DKK2: variants seen among roughly 807,000 people sequenced by gnomAD.
The protein encoded by DKK2 is dickkopf-related protein 2.
In DKK2, 11 loss-of-function variants were observed where a neutral mutation model predicts 28.1. That is an observed-to-expected ratio of 0.39 (90% CI 0.25 to 0.65). The LOEUF (loss-of-function observed/expected upper bound fraction) is 0.65. Ranked by LOEUF, DKK2 falls within the 30% of genes least tolerant of loss-of-function variation. The pLI is 0.47. For missense variants in DKK2, 326 were observed against 335.5 expected (o/e 0.97, Z 0.22); for synonymous variants, 135 against 126.5 (o/e 1.07, Z -0.45).
chr4:106,997,518 C>T (rs1376383276), intron 1 of DKK2, among the ~76,000 whole-genome samples: 8 of 152,086 alleles, frequency 5.3e-5, no homozygotes, highest in Admixed American at 5.2e-4. Flanking sequence ...ATCAACAAAA[C>T]TCTATCCAGT....
At chr4:106,978,624 A>T (rs1379623936) in intron 1 of DKK2, among the ~76,000 whole-genome samples, 1 of 151,984 alleles carries the variant, frequency 6.6e-6, no homozygotes, top group African/African-American at 2.4e-5. Flanking sequence ...TCGACTTCAG[A>T]CTTCTGTCCT....
chr4:106,974,287 G>C (rs1722910032), intron 1 of DKK2, among the ~76,000 whole-genome samples: 1 of 152,128 alleles, frequency 6.6e-6, no homozygotes, highest in African/African-American at 2.4e-5. Context: ...GAAAGTCAAT[G>C]GTAGCTTGAT....
At chr4:106,937,265 G>C (rs1424603600) in intron 1 of DKK2, among the ~76,000 whole-genome samples, 39 of 140,372 alleles carry the variant, frequency 2.8e-4, no homozygotes, top group Non-Finnish European at 5.5e-4. Flanking sequence ...TAAAAGGATG[G>C]AGGAAGATCT....
At chr4:107,004,683 T>C (rs1302154468) in intron 1 of DKK2, among the ~76,000 whole-genome samples, 2 of 152,190 alleles carry the variant, frequency 1.3e-5, no homozygotes, top group Admixed American at 1.3e-4. Context: ...TATATTACCT[T>C]ACGTGGCAAA....
chr4:106,927,727 T>C (rs1015041070), intron 1 of DKK2, among the ~76,000 whole-genome samples: 8 of 152,192 alleles, frequency 5.3e-5, no homozygotes, highest in African/African-American at 1.9e-4. Flanking sequence ...CCCCCAAGCA[T>C]TTTACCCCCT....
intron 1 of DKK2, among the ~76,000 whole-genome samples, chr4:107,009,584 A>G (rs1475135076): frequency 6.6e-6 from 1 of 151,944 alleles, no homozygotes; most frequent in Admixed American, 6.6e-5. Context: ...AAAGCTGGGT[A>G]GGAGTTTGCA....
At chr4:106,927,763 T>C (rs976023373) in intron 1 of DKK2, among the ~76,000 whole-genome samples, 6 of 152,344 alleles carry the variant, frequency 3.9e-5, no homozygotes, top group African/African-American at 1.4e-4. Context: ...TTAATTTTAA[T>C]GAAATACAAT....
intron 1 of DKK2, among the ~76,000 whole-genome samples, chr4:106,936,825 G>T (rs1317565917): frequency 1.3e-5 from 2 of 151,542 alleles, no homozygotes; most frequent in African/African-American, 4.8e-5. Flanking sequence ...CATTCTTAAA[G>T]AAAAGAATTT....
At chr4:106,935,176 G>A (rs1724562117) in intron 1 of DKK2, among the ~76,000 whole-genome samples, 1 of 152,310 alleles carries the variant, frequency 6.6e-6, no homozygotes, top group South Asian at 2.1e-4. Flanking sequence ...GCAGAAGACG[G>A]TGATTTCTGC....
At chr4:107,010,975 T>C (rs1723508787) in intron 1 of DKK2, among the ~76,000 whole-genome samples, 1 of 151,548 alleles carries the variant, frequency 6.6e-6, no homozygotes, top group Non-Finnish European at 1.5e-5. Context: ...ATCTCTTTAA[T>C]GTCTCACTTA....
At chr4:106,994,491 C>CCACACA (rs112978532) in intron 1 of DKK2, among the ~76,000 whole-genome samples, 72 of 145,834 alleles carry the variant, frequency 4.9e-4, no homozygotes, top group African/African-American at 1.7e-3. Flanking sequence ...CACATGTACA[C>CCACACA]CACACACACA....
intron 1 of DKK2, among the ~76,000 whole-genome samples, chr4:107,006,808 T>A (rs1723444204): frequency 6.6e-6 from 1 of 152,228 alleles, no homozygotes. Context: ...AAAAACCTTT[T>A]GGCTAAAATA....
intron 1 of DKK2, among the ~76,000 whole-genome samples, chr4:106,957,719 C>A (rs1171287885): frequency 8.4e-6 from 1 of 119,422 alleles, no homozygotes; most frequent in Non-Finnish European, 1.6e-5. Flanking sequence ...CACATGGACA[C>A]AGGAAGGGGA....
chr4:106,924,799 A>T lies in DKK2; in HGVS notation c.374-99T>A, dbSNP rs1021241212. On this transcript the variant is annotated intron_variant, in intron 2 of 3. Transcript: ENST00000285311. Reference sequence around the variant, plus strand: ...ATGTGAAATATGAAGCCATTTATCTATCTGTGTATCTATCTATCTATCCAC... The same window carrying T: ...ATGTGAAATATGAAGCCATTTATCTTTCTGTGTATCTATCTATCTATCCAC... The T allele has an allele frequency of 2.6e-6, 3 of 1,160,854 alleles. No homozygotes were observed. The African/African-American group carries it at 4.6e-5, about 18-fold the overall frequency. 71.9% of individuals were successfully genotyped at this position (1,160,854 alleles called of 1,614,324 possible).
At chr4:106,965,477 A>G (rs891550606) in intron 1 of DKK2, among the ~76,000 whole-genome samples, 76 of 152,278 alleles carry the variant, frequency 5.0e-4, no homozygotes, top group African/African-American at 1.6e-3. Context: ...ATAAAATTTT[A>G]TATAACCTCC....
chr4:106,983,329 GAAGAAAGGAAGA>G (rs1209958465), intron 1 of DKK2, among the ~76,000 whole-genome samples: 4 of 57,768 alleles, frequency 6.9e-5, no homozygotes, highest in Non-Finnish European at 1.3e-4. Flanking sequence ...AGAAAGAAAG[GAAGAAAGGAAGA>G]AAGAAAGAAA....
intron 1 of DKK2, among the ~76,000 whole-genome samples, chr4:106,936,605 A>C (rs183939006): frequency 6.6e-6 from 1 of 152,204 alleles, no homozygotes; most frequent in Non-Finnish European, 1.5e-5. Flanking sequence ...AGATTCAGGA[A>C]ATACAGAGAA....
At chr4:106,976,230 G>A (rs1722942742) in intron 1 of DKK2, among the ~76,000 whole-genome samples, 1 of 152,148 alleles carries the variant, frequency 6.6e-6, no homozygotes, top group East Asian at 1.9e-4. Flanking sequence ...ATTTGGGGTG[G>A]AGAGTTCTGT....
In DKK2 at chr4:107,017,896, A is replaced by G. The variant is rs10452181; in HGVS notation, c.222+17474T>C. On this transcript the variant is annotated intron_variant, in intron 1 of 3. Coordinates refer to ENST00000285311, the MANE Select transcript of DKK2 (RefSeq NM_014421.3). ...GAATGTGGTTGCTCAATATTTACCA[A>G]TGATTGAAAAAAACACCCATTTCAG... is the stretch of plus-strand genomic sequence containing the variant. Among the ~76,000 whole-genome samples, 1,016 of 152,142 alleles carry G rather than the reference A, an allele frequency of 6.7e-3. 13 individuals are homozygous for G. The highest frequency in any genetic ancestry group is 0.023 in the African/African-American group (960 of 41,500).
Sources: gnomAD v4.1 joint callset for allele counts (sites outside exome capture counted in the v4.1 genomes callset) on GRCh38, gnomAD v4.1.1 for gene constraint, MANE v1.5 for transcripts, NCBI Gene and HGNC (gene_info 2026-07-23, HGNC 2026-07-21) for gene names.